SPATA16: variants seen among roughly 807,000 people sequenced by gnomAD.
The protein encoded by SPATA16 is spermatogenesis-associated protein 16.
Under a neutral mutation model 63.3 loss-of-function variants are expected in SPATA16, and 36 were observed. The ratio of observed to expected loss-of-function variants is 0.57; its 90% CI spans 0.44 to 0.75. The LOEUF (loss-of-function observed/expected upper bound fraction) is 0.75. Ranked by LOEUF, SPATA16 falls within the 30% of genes least tolerant of loss-of-function variation. The pLI is 0.00. For synonymous variants in SPATA16, 203 were observed against 216.7 expected, an observed-to-expected ratio of 0.94 and a Z score of 0.56; for missense variants, 646 against 679.3, an observed-to-expected ratio of 0.95 and a Z score of 0.54.
chr3:172,985,591 A>C (rs1373710411), intron 4 of SPATA16, among the ~76,000 whole-genome samples: 1 of 152,244 alleles, frequency 6.6e-6, no homozygotes, highest in Non-Finnish European at 1.5e-5. Flanking sequence ...ACAGATCATA[A>C]GTGCTATAGA....
At chr3:173,053,186 T>C (rs1736141995) in intron 2 of SPATA16, among the ~76,000 whole-genome samples, 1 of 152,120 alleles carries the variant, frequency 6.6e-6, no homozygotes, top group Non-Finnish European at 1.5e-5. Context: ...CGAAACCCCG[T>C]CTGTACTAAA....
At chr3:173,036,909 A>C (rs1425143133) in intron 3 of SPATA16, among the ~76,000 whole-genome samples, 1 of 152,040 alleles carries the variant, frequency 6.6e-6, no homozygotes, top group Non-Finnish European at 1.5e-5. Context: ...TATCATTTTG[A>C]AGTGAGTGAG....
intron 3 of SPATA16, among the ~76,000 whole-genome samples, chr3:173,022,179 T>A (rs1735347805): frequency 6.6e-6 from 1 of 151,920 alleles, no homozygotes; most frequent in Non-Finnish European, 1.5e-5. Context: ...TATAAAAAGA[T>A]AGGAATTAAA....
rs551677792 is a variant in SPATA16, at chr3:172,969,820, T to C, written c.933+7148A>G. Among the ~76,000 whole-genome samples the C allele has an allele frequency of 1.1e-4, 17 of 152,312 alleles. 1 individual carries two copies. The East Asian group carries it at 3.3e-3, about 29-fold the overall frequency. ...GTGTGGCTTGCTTTGGCTAATAGAA[T>C]GTTAGAAACGATGGTATGAGCAGTG... On this transcript the variant is annotated intron_variant, in intron 5 of 10. Transcript: ENST00000351008.
chr3:173,133,802 A>G (rs1320633297), intron 1 of SPATA16, among the ~76,000 whole-genome samples: 1 of 152,214 alleles, frequency 6.6e-6, no homozygotes, highest in Non-Finnish European at 1.5e-5. Flanking sequence ...GAAAAAGGAA[A>G]GAAAAAACTT....
At chr3:173,024,262 A>C (rs921902449) in intron 3 of SPATA16, among the ~76,000 whole-genome samples, 1 of 151,518 alleles carries the variant, frequency 6.6e-6, no homozygotes, top group African/African-American at 2.4e-5. Context: ...ACTACTTTTC[A>C]GTATTTATAA....
chr3:172,951,511 T>G (rs907010051), intron 6 of SPATA16, among the ~76,000 whole-genome samples: 4 of 152,156 alleles, frequency 2.6e-5, no homozygotes, highest in African/African-American at 9.7e-5. Flanking sequence ...AAAAAAAAAT[T>G]TAAACCTAAA....
At chr3:172,907,063 A>G (rs1352971760) in intron 10 of SPATA16, among the ~76,000 whole-genome samples, 1 of 152,158 alleles carries the variant, frequency 6.6e-6, no homozygotes, top group Non-Finnish European at 1.5e-5. Flanking sequence ...ATTAACTCCT[A>G]TCCTTTCGTT....
At chr3:173,116,848 A>C (rs1737912016) in intron 2 of SPATA16, among the ~76,000 whole-genome samples, 1 of 152,234 alleles carries the variant, frequency 6.6e-6, no homozygotes, top group African/African-American at 2.4e-5. Context: ...CATTTTAAAA[A>C]TATATCACCA....
At position 172,987,109 on chromosome 3, in the gene SPATA16, G is replaced by A. The variant is rs1331715452; in HGVS notation, c.849-10057C>T. Among the ~76,000 whole-genome samples, 6 of 152,150 alleles carry A rather than the reference G, an allele frequency of 3.9e-5. No individual in the cohort carries two copies. The East Asian group carries it at 1.2e-3, about 29-fold the overall frequency. ...AGTCCTATTAATCTTTTGAGGAAAG[G>A]AAAACCTAAAACTGACTTCTTTCCT... On this transcript the variant is annotated intron_variant, in intron 4 of 10. Coordinates refer to ENST00000351008, the MANE Select transcript of SPATA16 (RefSeq NM_031955.6).
At chr3:172,916,286 A>T in intron 9 of SPATA16, 31 bp downstream of exon 9, 1 of 1,604,298 alleles carries the variant, frequency 6.2e-7, no homozygotes. Flanking sequence ...CTCTGGGCCT[A>T]TGAAACCCTT....
intron 4 of SPATA16, among the ~76,000 whole-genome samples, chr3:173,017,315 A>T (rs1735214326): frequency 6.6e-6 from 1 of 152,276 alleles, no homozygotes; most frequent in South Asian, 2.1e-4. Flanking sequence ...TTAAGCAGAT[A>T]TGCCTATTTC....
intron 2 of SPATA16, among the ~76,000 whole-genome samples, chr3:173,090,885 C>A (rs1406007885): frequency 3.3e-5 from 5 of 152,182 alleles, no homozygotes; most frequent in Admixed American, 1.3e-4. Flanking sequence ...CATGTAATCA[C>A]TACACATGTA....
rs1238013779 is a variant in SPATA16, at chr3:173,068,833, G to A, written c.613-19739C>T. Reference sequence around the variant, plus strand: ...CAAATTAGTAAAAAAAAAAAAGGCCGGGCGTGGTGGCTCACGCCTGTAATC... The same window carrying A: ...CAAATTAGTAAAAAAAAAAAAGGCCAGGCGTGGTGGCTCACGCCTGTAATC... On this transcript the variant is annotated intron_variant, in intron 2 of 10. Transcript: ENST00000351008. 7.7e-4 allele frequency among the ~76,000 whole-genome samples: 115 copies of A among 150,128 alleles called. 1 individual carries two copies. The highest frequency in any genetic ancestry group is 6.7e-3 in the Admixed American group (101 of 15,148).
chr3:173,087,680 T>G (rs922852456), intron 2 of SPATA16, among the ~76,000 whole-genome samples: 8 of 152,196 alleles, frequency 5.3e-5, no homozygotes, highest in Non-Finnish European at 1.2e-4. Flanking sequence ...CTTTCCATAT[T>G]TAGTGCTTCC....
At chr3:172,952,239 T>A (rs11926285) in intron 6 of SPATA16, among the ~76,000 whole-genome samples, 4,870 of 152,254 alleles carry the variant, frequency 0.032, 255 homozygotes, top group African/African-American at 0.11. Context: ...TAGCAAGAAC[T>A]TGTTGTATAC....
intron 1 of SPATA16, 21 bp from the exon 2 acceptor site, chr3:173,117,770 A>G: frequency 6.2e-7 from 1 of 1,613,924 alleles, no homozygotes; most frequent in Non-Finnish European, 8.5e-7. Flanking sequence ...GAGAAAAAGG[A>G]AAGTAATTAA....
chr3:173,092,783 A>G (rs1289293970), intron 2 of SPATA16, among the ~76,000 whole-genome samples: 2 of 152,144 alleles, frequency 1.3e-5, no homozygotes, highest in African/African-American at 2.4e-5. Context: ...CTAGTTAACC[A>G]CAGAAAACAA....
At chr3:173,024,105 AT>A (rs150460716) in intron 3 of SPATA16, among the ~76,000 whole-genome samples, 2 of 151,240 alleles carry the variant, frequency 1.3e-5, no homozygotes, top group East Asian at 3.9e-4. Flanking sequence ...TAGGTATGGG[AT>A]TTTTTTCTAT....
Sources: allele counts gnomAD v4.1 joint callset (sites outside exome capture counted in the v4.1 genomes callset), GRCh38; gene constraint gnomAD v4.1.1; transcripts MANE v1.5; gene names NCBI Gene and HGNC (gene_info 2026-07-23, HGNC 2026-07-21).